The following MED12L variants were observed in gnomAD, a reference collection of about 807,000 sequenced individuals.
The protein encoded by MED12L is mediator of RNA polymerase II transcription subunit 12-like protein.
MED12L carries 60 observed loss-of-function variants against 281.3 expected under a neutral mutation model. The observed-to-expected ratio is 0.21, with a 90% CI of 0.17 to 0.26. MED12L has a LOEUF of 0.26. Among genes scored for constraint, MED12L ranks in the 10% least tolerant of loss-of-function variants. The pLI is 1.00. For missense variants in MED12L, 2,146 were observed against 2,680.9 expected (o/e 0.80, Z 4.41); for synonymous variants, 974 against 987.2 (o/e 0.99, Z 0.25).
chr3:151,260,733 G>A (rs1294323416), intron 16 of MED12L, among the ~76,000 whole-genome samples: 2 of 152,102 alleles, frequency 1.3e-5, no homozygotes, highest in African/African-American at 2.4e-5. Context: ...CTTTTCTGAG[G>A]TTTGTAGGTA....
intron 16 of MED12L, among the ~76,000 whole-genome samples, chr3:151,280,144 C>T (rs1039740576): frequency 7.2e-5 from 11 of 152,116 alleles, no homozygotes; most frequent in Non-Finnish European, 1.5e-4. Context: ...GTGGTCCCCT[C>T]GTGGCAGGTG....
intron 16 of MED12L, chr3:151,212,458 A>G (rs187063001): frequency 3.9e-5 from 6 of 152,282 alleles, no homozygotes; most frequent in East Asian, 1.9e-4. Flanking sequence ...GTAGATTAAT[A>G]TATGTTCTAC....
At chr3:151,178,157 C>CAAAAAAAAAAAAAAAAAAA (rs10572929) in intron 11 of MED12L, among the ~76,000 whole-genome samples, 3 of 49,124 alleles carry the variant, frequency 6.1e-5, no homozygotes, top group African/African-American at 1.3e-4. Context: ...GACTTGGTCT[C>CAAAAAAAAAAAAAAAAAAA]AAAAAAAAAA....
intron 39 of MED12L, among the ~76,000 whole-genome samples, chr3:151,406,482 G>A (rs1006201843): frequency 2.0e-5 from 3 of 152,170 alleles, no homozygotes; most frequent in Non-Finnish European, 2.9e-5. Context: ...AAATTGGGAA[G>A]TGCTAGTCAA....
At chr3:151,140,189 T>A (rs1189803960) in intron 5 of MED12L, among the ~76,000 whole-genome samples, 1 of 152,198 alleles carries the variant, frequency 6.6e-6, no homozygotes. Flanking sequence ...CCTCTAATAT[T>A]TTTCCAGGTA....
chr3:151,348,319 T>TA, intron 16 of MED12L, among the ~76,000 whole-genome samples: 1 of 130,732 alleles, frequency 7.6e-6, no homozygotes, highest in Non-Finnish European at 1.6e-5. Flanking sequence ...CTAGGGTTCA[T>TA]ATGTACACAA....
At chr3:151,412,188 G>A (rs1040690951) in intron 41 of MED12L, among the ~76,000 whole-genome samples, 4 of 152,180 alleles carry the variant, frequency 2.6e-5, no homozygotes, top group Non-Finnish European at 2.9e-5. Flanking sequence ...TGGCCAGCAG[G>A]ACTAGCTTCA....
intron 16 of MED12L, among the ~76,000 whole-genome samples, chr3:151,280,834 C>T (rs138478372): frequency 1.4e-4 from 21 of 151,770 alleles, no homozygotes; most frequent in Admixed American, 4.6e-4. Flanking sequence ...AAACACCTGG[C>T]AACCCTTGGA....
At chr3:151,316,347 T>C (rs1432096688) in intron 16 of MED12L, 4 of 152,210 alleles carry the variant, frequency 2.6e-5, no homozygotes, top group Admixed American at 6.5e-5. Flanking sequence ...TAGGAGTGAT[T>C]GCCAAAACAT....
intron 16 of MED12L, chr3:151,198,811 T>G (rs746606999): frequency 6.2e-7 from 1 of 1,613,664 alleles, no homozygotes; most frequent in Non-Finnish European, 8.5e-7. Flanking sequence ...AAATGATGGC[T>G]GAGAAATTTA....
intron 43 of MED12L, among the ~76,000 whole-genome samples, chr3:151,424,363 G>A (rs1718612612): frequency 6.6e-6 from 1 of 152,220 alleles, no homozygotes; most frequent in Non-Finnish European, 1.5e-5. Flanking sequence ...GCTCACGCCT[G>A]TAATCCCAGC....
chr3:151,264,051 C>G (rs1296029296), intron 16 of MED12L, among the ~76,000 whole-genome samples: 1 of 152,194 alleles, frequency 6.6e-6, no homozygotes, highest in Non-Finnish European at 1.5e-5. Context: ...TTTTAAAGTT[C>G]TGCCTTTTTC....
chr3:151,162,658 C>T (rs192592727), intron 8 of MED12L, among the ~76,000 whole-genome samples: 4 of 151,972 alleles, frequency 2.6e-5, no homozygotes, highest in Non-Finnish European at 4.4e-5. Context: ...AGGCTGGTTT[C>T]AAGCTCCTGG....
rs1047639917 is a variant in MED12L, at chr3:151,436,142, C to T, written c.*3338C>T. On this transcript the variant is annotated 3_prime_UTR_variant, in exon 45 of 45. Coordinates refer to ENST00000687756, the MANE Select transcript of MED12L (RefSeq NM_001393769.1). ...GCAGTTATTAAAACATTTTTGTATT[C>T]CCCATCAATGAAAATTTTCAGTGTG... 16 of 152,144 alleles carry T rather than the reference C, an allele frequency of 1.1e-4. No homozygotes were observed. Among genetic ancestry groups the T allele is most frequent in the African/African-American group, 3.9e-4 (16 of 41,388 alleles). 9.4% of individuals were successfully genotyped at this position (152,144 alleles called of 1,614,324 possible).
rs545658683 is a variant in MED12L at position 151,360,283 on chromosome 3, T to A, written c.2826-191T>A. 2.0e-4 allele frequency among the ~76,000 whole-genome samples: 30 copies of A among 152,300 alleles called. No individual in the cohort carries two copies. In the South Asian group the frequency reaches 2.5e-3, roughly 13 times the overall value. On this transcript the variant is annotated intron_variant, in intron 20 of 44. Transcript: ENST00000687756. ...TCAGTGACATTTCTGAAGTTTTTTT[T>A]AAAATCTATTTCAGTGTCATAATAG...
intron 5 of MED12L, among the ~76,000 whole-genome samples, chr3:151,148,161 G>C (rs931643029): frequency 1.6e-4 from 24 of 152,024 alleles, no homozygotes; most frequent in Non-Finnish European, 7.4e-5. Context: ...TATTATTTTT[G>C]GAGAAATGTC....
rs1237906867 is a variant in MED12L, at chr3:151,188,386, G to A, written c.1659G>A (p.Lys553=). ...RCGESEVLDE[K]ESISSSSLAG... ...GTGAATCAGAAGTCTTAGATGAGAA[G>A]GAGTCTATTTCTTCATCCTCTCTTG... is the stretch of plus-strand genomic sequence containing the variant. The change falls in exon 13 of 45, where the codon AAG becomes AAA. Residue 553 remains lysine, a synonymous_variant. Transcript: ENST00000687756. The A allele has an allele frequency of 9.3e-6, 15 of 1,609,624 alleles. No homozygotes were observed. The South Asian group carries it at 1.2e-4, about 13-fold the overall frequency.
chr3:151,248,379 C>G (rs759168280), intron 16 of MED12L, among the ~76,000 whole-genome samples: 2 of 152,150 alleles, frequency 1.3e-5, no homozygotes, highest in South Asian at 2.1e-4. Flanking sequence ...AGTATTTCAC[C>G]TTTGGTTTCA....
intron 5 of MED12L, among the ~76,000 whole-genome samples, chr3:151,139,718 C>G (rs1716657845): frequency 6.6e-6 from 1 of 152,098 alleles, no homozygotes; most frequent in South Asian, 2.1e-4. Context: ...GTGGGTAATG[C>G]TTACAATCAG....
Sources: gnomAD v4.1 joint callset for allele counts (sites outside exome capture counted in the v4.1 genomes callset) on GRCh38, gnomAD v4.1.1 for gene constraint, MANE v1.5 for transcripts, NCBI Gene and HGNC (gene_info 2026-07-23, HGNC 2026-07-21) for gene names.